JDP2: variants seen among roughly 807,000 people sequenced by gnomAD.
JDP2 encodes progesterone receptor co-activator.
Under a neutral mutation model 17.1 loss-of-function variants are expected in JDP2, and 9 were observed. The ratio of observed to expected loss-of-function variants is 0.53; its 90% CI spans 0.32 to 0.92. JDP2 has a LOEUF of 0.92. Ranked by LOEUF, JDP2 falls within the 40% of genes least tolerant of loss-of-function variation. JDP2 has a pLI of 0.04. For missense variants in JDP2, 179 were observed against 220.0 expected (o/e 0.81, Z 1.18); for synonymous variants, 107 against 95.6 (o/e 1.12, Z -0.69).
At chr14:75,434,393 G>A (rs1032219491) in intron 1 of JDP2, among the ~76,000 whole-genome samples, 2 of 152,100 alleles carry the variant, frequency 1.3e-5, no homozygotes, top group Non-Finnish European at 2.9e-5. Context: ...TGAGGGCTTT[G>A]TGGTTTATAT....
intron 1 of JDP2, among the ~76,000 whole-genome samples, chr14:75,433,030 C>T (rs543106926): frequency 2.6e-5 from 4 of 151,134 alleles, no homozygotes; most frequent in African/African-American, 4.9e-5. Flanking sequence ...GGAGAAACCC[C>T]GTCTCTACTA....
chr14:75,468,350 C>G (rs1035473991), intron 3 of JDP2, among the ~76,000 whole-genome samples: 1 of 152,080 alleles, frequency 6.6e-6, no homozygotes, highest in East Asian at 1.9e-4. Flanking sequence ...TCCTGGGAGG[C>G]AAAAATCAGT....
chr14:75,463,542 C>G (rs1012295753), intron 3 of JDP2, among the ~76,000 whole-genome samples: 2 of 152,118 alleles, frequency 1.3e-5, no homozygotes, highest in African/African-American at 4.8e-5. Flanking sequence ...TGTGAGAACA[C>G]ACAGCAGGGG....
chr14:75,434,154 C>T (rs565002165), intron 1 of JDP2, among the ~76,000 whole-genome samples: 10 of 152,270 alleles, frequency 6.6e-5, no homozygotes, highest in African/African-American at 2.4e-4. Context: ...CCCCACTCCC[C>T]CTTTTTTATA....
At chr14:75,439,716 A>G (rs974162504) in intron 2 of JDP2, among the ~76,000 whole-genome samples, 2 of 152,208 alleles carry the variant, frequency 1.3e-5, no homozygotes, top group Non-Finnish European at 2.9e-5. Flanking sequence ...TTGTAAGCCA[A>G]TGTGTCGTTG....
intron 2 of JDP2, among the ~76,000 whole-genome samples, chr14:75,457,082 G>A (rs1594968676): frequency 6.6e-6 from 1 of 152,190 alleles, no homozygotes; most frequent in East Asian, 1.9e-4. Flanking sequence ...CCCACCCTCA[G>A]CCCGCATCTC....
rs1207848872 is a variant in JDP2, at chr14:75,428,475, G to A, written c.-24+223G>A. 1 of 152,108 alleles carries A rather than the reference G, an allele frequency of 6.6e-6. No individual in the cohort carries two copies. The highest frequency in any genetic ancestry group is 2.4e-5 in the African/African-American group (1 of 41,446). The allele number at this position is 152,108 out of a possible 1,614,324, so 9.4% of individuals were successfully genotyped here. On this transcript the variant is annotated intron_variant, in intron 1 of 3. Coordinates refer to ENST00000651602, the MANE Select transcript of JDP2 (RefSeq NM_001135048.2). The surrounding 1 kb of genome is among the most constrained non-coding windows in gnomAD (Gnocchi z 5.6). The stretch of plus-strand genomic sequence containing the variant: ...GCCCGGCAGCCTGAGGCTTCCTTTT[G>A]GTTCCCGCCCCGGGACGGGAGGCTC...
At chr14:75,440,696 TG>T (rs1885302402) in intron 2 of JDP2, among the ~76,000 whole-genome samples, 1 of 152,190 alleles carries the variant, frequency 6.6e-6, no homozygotes, top group South Asian at 2.1e-4. Context: ...GTGATAGCGC[TG>T]GGGCCTGGTG....
At chr14:75,464,683 C>CGGTGGGA (rs1886496558) in intron 3 of JDP2, among the ~76,000 whole-genome samples, 1 of 151,412 alleles carries the variant, frequency 6.6e-6, no homozygotes. Context: ...CCACCCTTGA[C>CGGTGGGA]CCCTGGACAA....
At chr14:75,443,511 A>G (rs865862096) in intron 2 of JDP2, among the ~76,000 whole-genome samples, 1 of 152,100 alleles carries the variant, frequency 6.6e-6, no homozygotes, top group Non-Finnish European at 1.5e-5. Flanking sequence ...TGAAATCCGT[A>G]ATTTCCACTT....
intron 2 of JDP2, among the ~76,000 whole-genome samples, chr14:75,440,769 G>C (rs528101753): frequency 6.6e-6 from 1 of 152,134 alleles, no homozygotes; most frequent in African/African-American, 2.4e-5. Flanking sequence ...CCCTAGGCAC[G>C]GTACTAGGTC....
intron 1 of JDP2, chr14:75,432,288 G>A (rs115465917): frequency 1.3e-6 from 2 of 1,550,006 alleles, no homozygotes; most frequent in Admixed American, 2.0e-5. Flanking sequence ...TGATTCCTTA[G>A]CTCCAAGAAG....
intron 1 of JDP2, among the ~76,000 whole-genome samples, chr14:75,435,414 G>T (rs938438203): frequency 7.2e-5 from 11 of 152,214 alleles, no homozygotes; most frequent in Non-Finnish European, 1.5e-4. Flanking sequence ...ATCTCCATGG[G>T]GGGTGGAGGG....
At chr14:75,432,763 A>G (rs1225466863) in intron 1 of JDP2, among the ~76,000 whole-genome samples, 1 of 152,172 alleles carries the variant, frequency 6.6e-6, no homozygotes, top group South Asian at 2.1e-4. Context: ...TGCAGATGCT[A>G]AGTTTCTCTT....
At chr14:75,429,868 G>A (rs1342404432) in intron 1 of JDP2, among the ~76,000 whole-genome samples, 1 of 152,202 alleles carries the variant, frequency 6.6e-6, no homozygotes, top group Non-Finnish European at 1.5e-5. Context: ...GCTGGGTGCT[G>A]TGTGATTTGA....
At chr14:75,466,699 G>T (rs1886582533) in intron 3 of JDP2, among the ~76,000 whole-genome samples, 1 of 152,160 alleles carries the variant, frequency 6.6e-6, no homozygotes, top group South Asian at 2.1e-4. Context: ...CCTGTCAGAG[G>T]CTTCCCCTTG....
At chr14:75,440,672 C>A (rs1023439282) in intron 2 of JDP2, among the ~76,000 whole-genome samples, 1 of 152,178 alleles carries the variant, frequency 6.6e-6, no homozygotes, top group African/African-American at 2.4e-5. Flanking sequence ...CACTCAGGGT[C>A]ACACTGCTGG....
rs1400165201 is a variant in JDP2, at chr14:75,461,543, G to C, written c.306+13G>C. 5 of 1,583,384 alleles carry C rather than the reference G, an allele frequency of 3.2e-6. No individual in the cohort carries two copies. The highest frequency in any genetic ancestry group is 4.3e-6 in the Non-Finnish European group (5 of 1,165,242). ...GTTTCTGCAGCGGGTGAGCTGACCG[G>C]GTGGGTGGGGAGGCCTGCCATTCCT... On this transcript the variant is annotated intron_variant, in intron 3 of 3. Coordinates refer to ENST00000651602, the MANE Select transcript of JDP2 (RefSeq NM_001135048.2).
In JDP2 at chr14:75,437,947, T is replaced by G. The variant is rs767384851; in HGVS notation, c.27T>G (p.Pro9=). The change falls in exon 2 of 4, where the codon CCT becomes CCG. Residue 9 remains proline, a synonymous_variant. Coordinates refer to ENST00000651602, the MANE Select transcript of JDP2 (RefSeq NM_001135048.2). The stretch of plus-strand genomic sequence containing the variant: ...TGATGCCTGGGCAGATCCCGGACCC[T>G]TCGGTGACCACAGGCTCCCTGCCAG... MMPGQIPD[P]SVTTGSLPGL... is the part of the protein sequence containing the mutation. The G allele has an allele frequency of 8.7e-6, 14 of 1,612,732 alleles. No individual in the cohort carries two copies. Among genetic ancestry groups the G allele is most frequent in the Middle Eastern group, 1.7e-4 (1 of 5,914 alleles).
Sources: allele counts gnomAD v4.1 joint callset (sites outside exome capture counted in the v4.1 genomes callset), GRCh38; gene constraint gnomAD v4.1.1; non-coding constraint Gnocchi (gnomAD v3.1); transcripts MANE v1.5; gene names NCBI Gene and HGNC (gene_info 2026-07-23, HGNC 2026-07-21).